GRID2: variants seen among roughly 807,000 people sequenced by gnomAD.
GRID2 encodes glutamate ionotropic receptor delta type subunit 2, also known as glutamate receptor ionotropic, delta-2.
Under a neutral mutation model 114.8 loss-of-function variants are expected in GRID2, and 33 were observed. The ratio of observed to expected loss-of-function variants is 0.29; its 90% CI spans 0.22 to 0.38. GRID2 has a LOEUF of 0.38. Ranked by LOEUF, GRID2 falls within the 10% of genes least tolerant of loss-of-function variation. The pLI is 1.00. For synonymous variants in GRID2, 505 were observed against 449.9 expected (o/e 1.12, Z -1.55); for missense variants, 1,184 against 1,257.7 (o/e 0.94, Z 0.89).
intron 14 of GRID2, among the ~76,000 whole-genome samples, chr4:93,631,605 C>T (rs1423417866): frequency 2.0e-5 from 3 of 152,212 alleles, no homozygotes; most frequent in Non-Finnish European, 4.4e-5. Flanking sequence ...TTCCTTAATC[C>T]AGTCTATCAT....
At chr4:93,349,790 T>C (rs1342132762) in intron 8 of GRID2, among the ~76,000 whole-genome samples, 1 of 152,032 alleles carries the variant, frequency 6.6e-6, no homozygotes, top group East Asian at 1.9e-4. Context: ...ACAAATAAAC[T>C]AAAAAATCCT....
intron 2 of GRID2, among the ~76,000 whole-genome samples, chr4:92,823,676 T>C (rs1741460662): frequency 6.6e-6 from 1 of 152,186 alleles, no homozygotes; most frequent in Non-Finnish European, 1.5e-5. Flanking sequence ...TAAGTTATGA[T>C]TAATTTTAGT....
At chr4:93,599,493 T>C (rs1237476182) in intron 13 of GRID2, among the ~76,000 whole-genome samples, 1 of 152,228 alleles carries the variant, frequency 6.6e-6, no homozygotes, top group African/African-American at 2.4e-5. Flanking sequence ...CTTTCTGTAA[T>C]TTTCTCCTAA....
chr4:93,027,784 T>G (rs2149253713), intron 2 of GRID2, among the ~76,000 whole-genome samples: 1 of 152,226 alleles, frequency 6.6e-6, no homozygotes, highest in East Asian at 1.9e-4. Context: ...AAATTTAATA[T>G]CTTAGGATAC....
At chr4:93,084,428 T>C (rs1452995604) in intron 2 of GRID2, among the ~76,000 whole-genome samples, 1 of 152,216 alleles carries the variant, frequency 6.6e-6, no homozygotes, top group Non-Finnish European at 1.5e-5. Context: ...AAAAACATTT[T>C]TGTTTCTCCA....
chr4:92,602,786 A>T (rs1729278844), intron 2 of GRID2, among the ~76,000 whole-genome samples: 1 of 152,218 alleles, frequency 6.6e-6, no homozygotes, highest in African/African-American at 2.4e-5. Context: ...AGATGACATG[A>T]TCTTCTATCT....
At chr4:93,116,604 C>T (rs1386323798) in intron 4 of GRID2, among the ~76,000 whole-genome samples, 1 of 152,076 alleles carries the variant, frequency 6.6e-6, no homozygotes, top group East Asian at 1.9e-4. Flanking sequence ...CCAGAGACCC[C>T]CTTTCCTGCT....
chr4:93,804,420 C>T (rs747424153), intron 1 of GRID2, among the ~76,000 whole-genome samples: 4 of 152,106 alleles, frequency 2.6e-5, no homozygotes, highest in East Asian at 1.9e-4. Context: ...GGCTACCAAC[C>T]GGTACAGCAC....
intron 10 of GRID2, among the ~76,000 whole-genome samples, chr4:93,434,459 T>TA (rs908481792): frequency 4.6e-5 from 7 of 151,860 alleles, no homozygotes; most frequent in South Asian, 4.2e-4. Context: ...TAAAAATATA[T>TA]AAAAAAAATT....
At chr4:93,009,242 T>C (rs948990586) in intron 2 of GRID2, among the ~76,000 whole-genome samples, 1 of 152,152 alleles carries the variant, frequency 6.6e-6, no homozygotes, top group African/African-American at 2.4e-5. Flanking sequence ...CATGGCCTTC[T>C]AATCACTTGG....
chr4:92,544,599 C>T (rs1003677282), intron 1 of GRID2, among the ~76,000 whole-genome samples: 3 of 152,146 alleles, frequency 2.0e-5, no homozygotes, highest in Admixed American at 6.5e-5. Context: ...TGCATTTTAA[C>T]ATATTAAAAG....
intron 8 of GRID2, among the ~76,000 whole-genome samples, chr4:93,333,029 A>G (rs561959873): frequency 6.6e-6 from 1 of 152,198 alleles, no homozygotes; most frequent in East Asian, 1.9e-4. Flanking sequence ...CATGTATTTG[A>G]TGATAATAAT....
At chr4:92,443,764 A>C (rs1028347988) in intron 1 of GRID2, among the ~76,000 whole-genome samples, 1 of 152,300 alleles carries the variant, frequency 6.6e-6, no homozygotes, top group Non-Finnish European at 1.5e-5. Context: ...ACTTGCCGCT[A>C]AGGGTGAAGG....
chr4:93,423,676 G>T (rs1042731981), intron 10 of GRID2, among the ~76,000 whole-genome samples: 1 of 151,998 alleles, frequency 6.6e-6, no homozygotes, highest in Non-Finnish European at 1.5e-5. Context: ...ATGTACATAT[G>T]TATATATTTT....
chr4:92,955,851 C>G (rs1387262512), intron 2 of GRID2, among the ~76,000 whole-genome samples: 1 of 152,040 alleles, frequency 6.6e-6, no homozygotes, highest in African/African-American at 2.4e-5. Context: ...CCAGTTTTCC[C>G]AGCACCATTT....
At chr4:92,852,348 TC>T (rs1156446343) in intron 2 of GRID2, among the ~76,000 whole-genome samples, 1 of 151,880 alleles carries the variant, frequency 6.6e-6, no homozygotes, top group East Asian at 1.9e-4. Context: ...TTCTGCCTCT[TC>T]CAGAAGACTG....
At chr4:93,388,493 G>C (rs1764542414) in intron 8 of GRID2, among the ~76,000 whole-genome samples, 1 of 152,110 alleles carries the variant, frequency 6.6e-6, no homozygotes, top group South Asian at 2.1e-4. Flanking sequence ...CAAGGTAGGA[G>C]GGTTATGCCT....
intron 2 of GRID2, among the ~76,000 whole-genome samples, chr4:92,955,236 T>C (rs1752314849): frequency 7.0e-6 from 1 of 143,078 alleles, no homozygotes; most frequent in East Asian, 2.1e-4. Flanking sequence ...CCACCAACAG[T>C]GTAAAAGTGT....
intron 2 of GRID2, among the ~76,000 whole-genome samples, chr4:93,047,306 C>A (rs1400575312): frequency 6.6e-6 from 1 of 151,910 alleles, no homozygotes; most frequent in African/African-American, 2.4e-5. Context: ...GCTATGGAGA[C>A]CAAAATAAAC....
Sources: allele counts gnomAD v4.1 joint callset (sites outside exome capture counted in the v4.1 genomes callset), GRCh38; gene constraint gnomAD v4.1.1; transcripts MANE v1.5; gene names NCBI Gene and HGNC (gene_info 2026-07-23, HGNC 2026-07-21).